The following KLHL32 variants were observed in gnomAD, a reference collection of about 807,000 sequenced individuals.
KLHL32 encodes kelch-like protein 32.
A neutral mutation model predicts 64.8 loss-of-function variants in KLHL32; 35 were observed. That is an observed-to-expected ratio of 0.54 (90% confidence interval 0.41 to 0.72). The LOEUF (loss-of-function observed/expected upper bound fraction) is 0.72, where lower values mean the gene tolerates loss of function less well. KLHL32 is among the 30% of genes least tolerant of loss of function. KLHL32 has a pLI of 0.00. For synonymous variants in KLHL32, 259 were observed against 281.0 expected (o/e 0.92, Z 0.78); for missense variants, 589 against 768.5 (o/e 0.77, Z 2.76).
chr6:96,901,166 ATTGTATTCAT>A, the KLHL32 span, among the ~76,000 whole-genome samples: 5 of 152,194 alleles, frequency 3.3e-5, no homozygotes, highest in Non-Finnish European at 5.9e-5. Flanking sequence ...GACTTTTGTC[ATTGTATTCAT>A]TTGTATTCAT....
intron 1 of KLHL32, among the ~76,000 whole-genome samples, chr6:96,953,493 G>C (rs1725751937): frequency 6.6e-6 from 1 of 152,068 alleles, no homozygotes; most frequent in South Asian, 2.1e-4. Context: ...AGCCGGGTGT[G>C]GTGGCACATA....
intron 1 of KLHL32, among the ~76,000 whole-genome samples, chr6:96,935,386 T>C (rs987994942): frequency 1.3e-5 from 2 of 152,174 alleles, no homozygotes; most frequent in African/African-American, 4.8e-5. Flanking sequence ...ACTAGAATTG[T>C]TTTATTGAGT....
At chr6:97,043,348 T>C (rs893591073) in intron 4 of KLHL32, among the ~76,000 whole-genome samples, 5 of 152,202 alleles carry the variant, frequency 3.3e-5, no homozygotes, top group African/African-American at 1.2e-4. Flanking sequence ...CTTATTTCAC[T>C]TAACATAATG....
At chr6:97,005,426 G>A (rs1779547609) in intron 3 of KLHL32, among the ~76,000 whole-genome samples, 1 of 151,734 alleles carries the variant, frequency 6.6e-6, no homozygotes, top group African/African-American at 2.4e-5. Flanking sequence ...CTTTCAAAAA[G>A]CAAACTTCTG....
intron 1 of KLHL32, among the ~76,000 whole-genome samples, chr6:96,958,498 G>A (rs1303711366): frequency 6.6e-6 from 1 of 152,138 alleles, no homozygotes; most frequent in African/African-American, 2.4e-5. Flanking sequence ...GTGTTGATGA[G>A]TATGTCTGTA....
At chr6:97,053,586 A>G (rs1483730444) in intron 4 of KLHL32, among the ~76,000 whole-genome samples, 1 of 152,108 alleles carries the variant, frequency 6.6e-6, no homozygotes, top group Non-Finnish European at 1.5e-5. Context: ...TACATGTTAT[A>G]TGTTATCTTT....
At chr6:96,919,587 T>A in the KLHL32 span, among the ~76,000 whole-genome samples, 14 of 152,188 alleles carry the variant, frequency 9.2e-5, no homozygotes, top group Non-Finnish European at 1.8e-4. Flanking sequence ...ATTTAAGCAA[T>A]TTTTTTTCTG....
intron 3 of KLHL32, among the ~76,000 whole-genome samples, chr6:97,035,605 T>A (rs1784174907): frequency 6.6e-6 from 1 of 152,124 alleles, no homozygotes; most frequent in Non-Finnish European, 1.5e-5. Context: ...TTGCCAGATA[T>A]TGTATACTTG....
At chr6:97,115,521 C>G (rs890341895) in intron 7 of KLHL32, among the ~76,000 whole-genome samples, 1 of 152,164 alleles carries the variant, frequency 6.6e-6, no homozygotes, top group African/African-American at 2.4e-5. Context: ...AACCCAAAAT[C>G]CACAATTAAC....
chr6:96,998,171 T>C (rs182355897), intron 3 of KLHL32, among the ~76,000 whole-genome samples: 1 of 152,280 alleles, frequency 6.6e-6, no homozygotes, highest in East Asian at 1.9e-4. Flanking sequence ...AAAACTAAAA[T>C]TAAAAATAAA....
intron 1 of KLHL32, among the ~76,000 whole-genome samples, chr6:96,943,464 T>C (rs1200974949): frequency 6.6e-6 from 1 of 152,186 alleles, no homozygotes; most frequent in Non-Finnish European, 1.5e-5. Flanking sequence ...GTTTTACTTA[T>C]TACTGCTGAC....
At chr6:97,058,639 T>C (rs1350305064) in intron 4 of KLHL32, among the ~76,000 whole-genome samples, 5 of 152,218 alleles carry the variant, frequency 3.3e-5, no homozygotes, top group Non-Finnish European at 5.9e-5. Flanking sequence ...TCTGTAACAG[T>C]GTTTGTAAGA....
chr6:96,915,620 A>C, the KLHL32 span, among the ~76,000 whole-genome samples: 3 of 149,686 alleles, frequency 2.0e-5, no homozygotes, highest in African/African-American at 7.4e-5. Flanking sequence ...TTCTTGGCAA[A>C]TTCAATAAAT....
intron 3 of KLHL32, among the ~76,000 whole-genome samples, chr6:97,019,966 G>A (rs1472676958): frequency 1.2e-5 from 1 of 81,686 alleles, no homozygotes; most frequent in East Asian, 3.8e-4. Flanking sequence ...TTTTTTTTTT[G>A]AGACAGAGTC....
chr6:96,939,779 AATG>A (rs1481537297), intron 1 of KLHL32, among the ~76,000 whole-genome samples: 9 of 152,094 alleles, frequency 5.9e-5, no homozygotes, highest in African/African-American at 1.9e-4. Flanking sequence ...GAATGATTGT[AATG>A]ATGAAGTGGC....
chr6:97,048,214 G>T (rs1158504235), intron 4 of KLHL32, among the ~76,000 whole-genome samples: 1 of 152,116 alleles, frequency 6.6e-6, no homozygotes, highest in Non-Finnish European at 1.5e-5. Flanking sequence ...TCCACTTCCA[G>T]GCACTGCTAA....
At chr6:97,066,784 T>C (rs1023041563) in intron 5 of KLHL32, among the ~76,000 whole-genome samples, 2 of 152,210 alleles carry the variant, frequency 1.3e-5, no homozygotes, top group African/African-American at 4.8e-5. Context: ...TATTTTGATA[T>C]AGTCTCCATA....
intron 6 of KLHL32, among the ~76,000 whole-genome samples, chr6:97,110,260 A>G (rs1206159): frequency 0.56 from 84,613 of 152,010 alleles, 23,895 homozygotes; most frequent in Middle Eastern, 0.62. Flanking sequence ...TTAGTTAAAA[A>G]TGCTACCTTC....
intron 3 of KLHL32, among the ~76,000 whole-genome samples, chr6:96,984,161 T>C (rs1298432370): frequency 6.6e-6 from 1 of 152,200 alleles, no homozygotes; most frequent in Non-Finnish European, 1.5e-5. Flanking sequence ...CAGGAGCAGG[T>C]TGTTCAGTTT....
Sources: gnomAD v4.1 joint callset for allele counts (sites outside exome capture counted in the v4.1 genomes callset) on GRCh38, gnomAD v4.1.1 for gene constraint, MANE v1.5 for transcripts, NCBI Gene and HGNC (gene_info 2026-07-23, HGNC 2026-07-21) for gene names.